Variants in DDX10 observed in about 807,000 individuals in gnomAD.
DDX10 encodes probable ATP-dependent RNA helicase DDX10.
Under a neutral mutation model 104.3 loss-of-function variants are expected in DDX10, and 74 were observed. The observed-to-expected ratio is 0.71, with a 90% CI of 0.59 to 0.86. The LOEUF is 0.86. Among genes scored for constraint, DDX10 ranks in the 40% least tolerant of loss-of-function variants. The pLI is 0.00. For missense variants in DDX10, 952 were observed against 1,040.0 expected, an observed-to-expected ratio of 0.92 and a Z score of 1.16; for synonymous variants, 351 against 353.4, an observed-to-expected ratio of 0.99 and a Z score of 0.08.
intron 16 of DDX10, among the ~76,000 whole-genome samples, chr11:108,911,782 G>A (rs1028360760): frequency 1.3e-5 from 2 of 151,690 alleles, no homozygotes; most frequent in African/African-American, 4.8e-5. Flanking sequence ...GACTGATCTC[G>A]AACTTCTGAG....
chr11:108,823,713 T>G (rs75559194), intron 13 of DDX10, among the ~76,000 whole-genome samples: 3,895 of 152,290 alleles, frequency 0.026, 114 homozygotes, highest in African/African-American at 0.071. Flanking sequence ...TATATGGCAT[T>G]TGTTTGTTTA....
At chr11:108,923,808 C>T (rs1863872495) in intron 17 of DDX10, among the ~76,000 whole-genome samples, 1 of 152,146 alleles carries the variant, frequency 6.6e-6, no homozygotes, top group Non-Finnish European at 1.5e-5. Context: ...AAAGAGCTTC[C>T]TGCAGGCAGT....
intron 10 of DDX10, among the ~76,000 whole-genome samples, chr11:108,712,093 CTCTG>C (rs762572018): frequency 5.0e-4 from 76 of 152,134 alleles, no homozygotes; most frequent in Non-Finnish European, 9.3e-4. Flanking sequence ...TGGAAGTCTG[CTCTG>C]TCTGACATTA....
intron 9 of DDX10, among the ~76,000 whole-genome samples, chr11:108,698,424 A>G (rs1591794822): frequency 6.6e-6 from 1 of 152,176 alleles, no homozygotes; most frequent in South Asian, 2.1e-4. Context: ...ATAGTGGCTG[A>G]TGCTTCTTTA....
At chr11:108,802,763 A>G (rs888262208) in intron 13 of DDX10, among the ~76,000 whole-genome samples, 23 of 152,274 alleles carry the variant, frequency 1.5e-4, no homozygotes, top group African/African-American at 5.5e-4. Flanking sequence ...CCCTCCTATT[A>G]ACATAGTGAA....
intron 13 of DDX10, among the ~76,000 whole-genome samples, chr11:108,743,861 A>T (rs1459891247): frequency 6.6e-6 from 1 of 152,022 alleles, no homozygotes; most frequent in Non-Finnish European, 1.5e-5. Context: ...TGCTGCTTGA[A>T]CCCTTTGTCC....
At chr11:108,693,904 G>A (rs984501709) in intron 9 of DDX10, among the ~76,000 whole-genome samples, 2 of 152,192 alleles carry the variant, frequency 1.3e-5, no homozygotes, top group African/African-American at 4.8e-5. Flanking sequence ...GACTGCAGTA[G>A]TCCTCACTTA....
rs546367868 is a variant in DDX10, at chr11:108,703,434, A to G, written c.1224-3305A>G. ...AACCTCTGCCTCCCAGGTGCAAACA[A>G]TTCTCCTGCCTTGGCCTCTCGAGTA... On this transcript the variant is annotated intron_variant, in intron 9 of 17. Coordinates refer to ENST00000322536, the MANE Select transcript of DDX10 (RefSeq NM_004398.4). Among the ~76,000 whole-genome samples, 11 of 152,092 alleles carry G rather than the reference A, an allele frequency of 7.2e-5. No homozygotes were observed. In the South Asian group the frequency reaches 2.3e-3, roughly 32 times the overall value.
chr11:108,779,431 C>G (rs1199869892), intron 13 of DDX10, among the ~76,000 whole-genome samples: 3 of 151,844 alleles, frequency 2.0e-5, no homozygotes, highest in Admixed American at 2.0e-4. Context: ...GCAGATATCA[C>G]GAGGACAGAA....
At chr11:108,684,705 G>T (rs1463272745) in intron 6 of DDX10, among the ~76,000 whole-genome samples, 1 of 139,778 alleles carries the variant, frequency 7.2e-6, no homozygotes, top group Non-Finnish European at 1.6e-5. Flanking sequence ...TAGTCCTTTG[G>T]GTATATACCC....
At chr11:108,887,166 A>G (rs375684163) in intron 16 of DDX10, among the ~76,000 whole-genome samples, 3 of 152,280 alleles carry the variant, frequency 2.0e-5, no homozygotes, top group African/African-American at 7.2e-5. Flanking sequence ...GTGTTTATCT[A>G]TAATTTCAAT....
intron 13 of DDX10, among the ~76,000 whole-genome samples, chr11:108,747,840 T>C (rs1219887673): frequency 2.0e-5 from 3 of 152,146 alleles, no homozygotes; most frequent in Non-Finnish European, 4.4e-5. Context: ...AGTTACCGAT[T>C]CATGAAGTTG....
chr11:108,670,998 C>T (rs971262453), intron 1 of DDX10, among the ~76,000 whole-genome samples: 6 of 152,198 alleles, frequency 3.9e-5, no homozygotes, highest in African/African-American at 1.4e-4. Flanking sequence ...TTTTCTCCTC[C>T]GCTTTTCAAC....
intron 16 of DDX10, among the ~76,000 whole-genome samples, chr11:108,900,085 C>T (rs983549572): frequency 1.3e-5 from 2 of 151,706 alleles, no homozygotes; most frequent in Non-Finnish European, 2.9e-5. Flanking sequence ...GCACTCCAGC[C>T]TGGACAGCAA....
chr11:108,738,480 G>A (rs1443861601), intron 13 of DDX10, among the ~76,000 whole-genome samples: 1 of 151,962 alleles, frequency 6.6e-6, no homozygotes, highest in Non-Finnish European at 1.5e-5. Flanking sequence ...AAAAAGGAGG[G>A]AAGAAGAGAT....
chr11:108,830,253 T>A (rs1343847973), intron 13 of DDX10, among the ~76,000 whole-genome samples: 1 of 152,226 alleles, frequency 6.6e-6, no homozygotes, highest in Non-Finnish European at 1.5e-5. Context: ...TGTTTTGTAG[T>A]TTTCCTTGTG....
chr11:108,789,607 T>C (rs190573508), intron 13 of DDX10, among the ~76,000 whole-genome samples: 1 of 152,222 alleles, frequency 6.6e-6, no homozygotes. Context: ...TAAAATTGGC[T>C]TGTCCTTTGT....
chr11:108,855,516 G>T (rs1375794532), intron 16 of DDX10, among the ~76,000 whole-genome samples: 1 of 152,172 alleles, frequency 6.6e-6, no homozygotes, highest in Non-Finnish European at 1.5e-5. Flanking sequence ...CTGGAGTGCA[G>T]TGACGCGATC....
At chr11:108,731,743 A>G (rs370952258) in intron 13 of DDX10, among the ~76,000 whole-genome samples, 3 of 152,034 alleles carry the variant, frequency 2.0e-5, no homozygotes, top group Non-Finnish European at 4.4e-5. Context: ...TTCATATTTT[A>G]GTGTTGTATG....
Sources: allele counts gnomAD v4.1 joint callset (sites outside exome capture counted in the v4.1 genomes callset), GRCh38; gene constraint gnomAD v4.1.1; transcripts MANE v1.5; gene names NCBI Gene and HGNC (gene_info 2026-07-23, HGNC 2026-07-21).